KIDINS220: variants seen among roughly 807,000 people sequenced by gnomAD.
KIDINS220 encodes the protein kinase D-interacting substrate of 220 kDa.
In KIDINS220, 63 loss-of-function variants were observed where a neutral mutation model predicts 157.6. That is an observed-to-expected ratio of 0.40 (90% CI 0.33 to 0.49). The LOEUF is 0.49. KIDINS220 is among the 20% of genes least tolerant of loss of function. KIDINS220 has a pLI of 0.66. For synonymous variants in KIDINS220, 732 were observed against 783.6 expected (o/e 0.93, Z 1.10); for missense variants, 1,772 against 2,171.2 (o/e 0.82, Z 3.65).
At chr2:8,733,719 T>C (rs756044995) in intron 28 of KIDINS220, 39 bp from the exon 29 acceptor site, 103 of 1,274,104 alleles carry the variant, frequency 8.1e-5, no homozygotes, top group Non-Finnish European at 4.7e-5. Context: ...CACTAACAAA[T>C]CATATTTTAG....
chr2:8,776,927 C>T (rs370698109), intron 20 of KIDINS220, 35 bp from the exon 21 acceptor site: 34 of 1,599,752 alleles, frequency 2.1e-5, no homozygotes, highest in African/African-American at 1.4e-4. Context: ...AAGGAACCCA[C>T]GCGTCCAGTC....
At chr2:8,727,211 C>T (rs1295311212), downstream of KIDINS220, 21 of 1,125,734 alleles carry the variant, frequency 1.9e-5, no homozygotes, top group Admixed American at 3.8e-5. Flanking sequence ...ATGCTGCCCC[C>T]GCAAAAGAAC....
At chr2:8,781,663 A>C (rs1299376729) in intron 17 of KIDINS220, among the ~76,000 whole-genome samples, 2 of 152,254 alleles carry the variant, frequency 1.3e-5, no homozygotes, top group Non-Finnish European at 2.9e-5. Context: ...ACTTCCAAAT[A>C]ACACATGGGT....
At chr2:8,755,767 C>T (rs1667935485) in intron 22 of KIDINS220, among the ~76,000 whole-genome samples, 1 of 152,222 alleles carries the variant, frequency 6.6e-6, no homozygotes, top group Non-Finnish European at 1.5e-5. Flanking sequence ...GACTTGGCAT[C>T]CTTGCCAAAA....
chr2:8,778,789 A>G, intron 19 of KIDINS220, 62 bp from the exon 20 acceptor site: 1 of 1,590,584 alleles, frequency 6.3e-7, no homozygotes. Flanking sequence ...TGATATTTAA[A>G]GAAATGTGAA....
intron 17 of KIDINS220, among the ~76,000 whole-genome samples, chr2:8,782,568 G>A (rs1671858797): frequency 6.6e-6 from 1 of 152,142 alleles, no homozygotes; most frequent in Admixed American, 6.5e-5. Flanking sequence ...GGCCCAGAGG[G>A]TTCACTAATG....
chr2:8,834,348 C>G (rs1680087465), intron 1 of KIDINS220, among the ~76,000 whole-genome samples: 1 of 151,854 alleles, frequency 6.6e-6, no homozygotes, highest in Admixed American at 6.6e-5. Context: ...ACTCTTGCTG[C>G]TCCTTCTCCT....
chr2:8,826,101 A>G (rs1206537389), intron 2 of KIDINS220, among the ~76,000 whole-genome samples: 1 of 152,120 alleles, frequency 6.6e-6, no homozygotes, highest in Non-Finnish European at 1.5e-5. Context: ...ATAAAATAAT[A>G]TAAAATAATA....
At chr2:8,784,930 T>A (rs1209320076) in intron 17 of KIDINS220, among the ~76,000 whole-genome samples, 1 of 152,260 alleles carries the variant, frequency 6.6e-6, no homozygotes. Flanking sequence ...AAATCCTTTA[T>A]GTTCACACAA....
intron 21 of KIDINS220, among the ~76,000 whole-genome samples, chr2:8,773,957 T>C (rs988726557): frequency 1.3e-4 from 20 of 152,164 alleles, no homozygotes; most frequent in African/African-American, 4.8e-4. Context: ...CTCTTAGTCA[T>C]TTAACAACAG....
At chr2:8,751,344 T>C in intron 23 of KIDINS220, 122 bp downstream of exon 23, 1 of 669,760 alleles carries the variant, frequency 1.5e-6, no homozygotes, top group Non-Finnish European at 2.5e-6. Flanking sequence ...TTTTTCTGTG[T>C]AGTGCTTAGT....
chr2:8,751,480 C>T lies in KIDINS220; in HGVS notation c.3176G>A (p.Arg1059Gln), dbSNP rs753196959. The change falls in exon 23 of 30, where the codon CGG becomes CAG. Residue 1059 changes from arginine to glutamine, a missense_variant. By Grantham distance (43) the Arg-to-Gln change is conservative. Around this residue, in one of 3 missense-constraint regions of KIDINS220, gnomAD observed 725 missense variants for 1,017.1 expected, o/e 0.71. Coordinates refer to ENST00000256707, the MANE Select transcript of KIDINS220 (RefSeq NM_020738.4). ...PCTVNLDPKL[R>Q]EIIADVRAAR... is the part of the protein sequence containing the mutation. ...CTAATACCCACCTGCAATAATTTCC[C>T]GTAGTTTGGGATCTAGGTTTACAGT... 12 of 1,604,752 alleles carry T rather than the reference C, an allele frequency of 7.5e-6. No homozygotes were observed. Among genetic ancestry groups the T allele is most frequent in the East Asian group, 6.7e-5 (3 of 44,836 alleles).
intron 17 of KIDINS220, among the ~76,000 whole-genome samples, chr2:8,780,976 T>C (rs1671639300): frequency 6.6e-6 from 1 of 151,352 alleles, no homozygotes; most frequent in South Asian, 2.1e-4. Context: ...TCTAAAGATA[T>C]CAATTAAAAG....
chr2:8,809,720 G>C (rs1334628618), intron 6 of KIDINS220, among the ~76,000 whole-genome samples: 4 of 151,494 alleles, frequency 2.6e-5, no homozygotes, highest in Non-Finnish European at 5.9e-5. Context: ...GTCTAAAACA[G>C]ACTTCCTTTC....
chr2:8,794,491 T>G (rs1202569368), intron 11 of KIDINS220, among the ~76,000 whole-genome samples: 3 of 152,192 alleles, frequency 2.0e-5, no homozygotes, highest in Non-Finnish European at 4.4e-5. Flanking sequence ...TTTGCCACAG[T>G]GAACCCTTAA....
Position 8,734,969 on chromosome 2 carries a change from G to A in KIDINS220, c.3718-216C>T, listed in dbSNP as rs1054288103. Among the ~76,000 whole-genome samples the A allele has an allele frequency of 3.3e-5, 5 of 152,242 alleles. No individual in the cohort carries two copies. In the East Asian group the frequency reaches 9.6e-4, roughly 29 times the overall value. On this transcript the variant is annotated intron_variant, in intron 27 of 29. Coordinates refer to ENST00000256707, the MANE Select transcript of KIDINS220 (RefSeq NM_020738.4). ...CTTCATATTTTCCCAAATGTCTTAG[G>A]CATTTTCTGGGACCAACCGAAGAAC...
intron 14 of KIDINS220, among the ~76,000 whole-genome samples, chr2:8,789,241 G>C (rs1672838293): frequency 1.3e-5 from 2 of 151,074 alleles, no homozygotes; most frequent in Non-Finnish European, 2.9e-5. Context: ...ATGCTCAAGA[G>C]CATACCAATG....
At chr2:8,791,250 A>C in intron 12 of KIDINS220, 26 bp from the exon 13 acceptor site, 1 of 1,524,628 alleles carries the variant, frequency 6.6e-7, no homozygotes, top group Non-Finnish European at 8.9e-7. Context: ...ATCATATCTT[A>C]CATTAAACAG....
rs1663771400 is a variant in KIDINS220 at position 8,729,749 on chromosome 2, CTAAT to C, written c.*967_*970del. The C allele has an allele frequency of 1.0e-6, 1 of 982,176 alleles. No homozygotes were observed. The highest frequency in any genetic ancestry group is 1.2e-6 in the Non-Finnish European group (1 of 827,100). The allele number at this position is 982,176 out of a possible 1,614,324, so 60.8% of individuals were successfully genotyped here. Reference sequence around the variant, plus strand: ...ATAGAGAGCAATGATTTAGTTTTACCTAATTAAATATTTCCTTGTCATTTATCAA... The same window carrying C: ...ATAGAGAGCAATGATTTAGTTTTACCTAAATATTTCCTTGTCATTTATCAA... On this transcript the variant is annotated 3_prime_UTR_variant, in exon 30 of 30. Coordinates refer to ENST00000256707, the MANE Select transcript of KIDINS220 (RefSeq NM_020738.4).
Sources: gnomAD v4.1 joint callset for allele counts (sites outside exome capture counted in the v4.1 genomes callset) on GRCh38, gnomAD v4.1.1 for gene constraint, gnomAD v4.1.1 regional missense constraint, MANE v1.5 for transcripts, NCBI Gene and HGNC (gene_info 2026-07-23, HGNC 2026-07-21) for gene names.